LRRC4C: variants seen among roughly 807,000 people sequenced by gnomAD.
LRRC4C encodes leucine rich repeat containing 4C.
In LRRC4C, 5 loss-of-function variants were observed where a neutral mutation model predicts 33.6. The ratio of observed to expected loss-of-function variants is 0.15; its 90% CI spans 0.08 to 0.31. The LOEUF (loss-of-function observed/expected upper bound fraction) is 0.31. Ranked by LOEUF, LRRC4C falls within the 10% of genes least tolerant of loss-of-function variation. The pLI, the probability that LRRC4C is intolerant of heterozygous loss-of-function variation, is 1.00. For missense variants in LRRC4C, 560 were observed against 796.7 expected, an observed-to-expected ratio of 0.70 and a Z score of 3.58; for synonymous variants, 329 against 302.0, an observed-to-expected ratio of 1.09 and a Z score of -0.93.
At chr11:41,352,678 G>A (rs1952022967) in intron 1 of LRRC4C, among the ~76,000 whole-genome samples, 1 of 151,976 alleles carries the variant, frequency 6.6e-6, no homozygotes, top group African/African-American at 2.4e-5. Flanking sequence ...CATACTCTTG[G>A]AAGACAGCAC....
intron 1 of LRRC4C, among the ~76,000 whole-genome samples, chr11:40,934,307 G>GT (rs1957769674): frequency 6.6e-6 from 1 of 151,924 alleles, no homozygotes; most frequent in African/African-American, 2.4e-5. Flanking sequence ...ACAGACCTTT[G>GT]TTTGTCATAT....
chr11:40,638,698 A>G (rs1395042426), intron 3 of LRRC4C, among the ~76,000 whole-genome samples: 1 of 152,072 alleles, frequency 6.6e-6, no homozygotes, highest in Non-Finnish European at 1.5e-5. Context: ...ATAAAATAAT[A>G]CATGTGTCAA....
intron 1 of LRRC4C, among the ~76,000 whole-genome samples, chr11:41,416,239 A>G (rs1364814422): frequency 6.6e-6 from 1 of 151,996 alleles, no homozygotes; most frequent in Non-Finnish European, 1.5e-5. Context: ...ACCCCTACTC[A>G]CACTTCCCAC....
chr11:40,114,727 G>T lies in LRRC4C; in HGVS notation c.1566C>A (p.Val522=), dbSNP rs1046697036. The change falls in exon 7 of 7, where the codon GTC becomes GTA. Residue 522 remains valine, a synonymous_variant. Transcript: ENST00000528697. ...CAATGATGATTTTGGTAGTCTTCATGACCTCATCAATTCCTGGGATCCCAC... is the reference window on the plus strand; with the variant it reads ...CAATGATGATTTTGGTAGTCTTCATTACCTCATCAATTCCTGGGATCCCAC... ...INSGIPGIDE[V]MKTTKIIIGC... The T allele has an allele frequency of 1.2e-6, 2 of 1,614,130 alleles. No individual in the cohort carries two copies. Among genetic ancestry groups the T allele is most frequent in the Middle Eastern group, 1.7e-4 (1 of 6,060 alleles).
chr11:41,212,304 G>T (rs1484373357), intron 1 of LRRC4C, among the ~76,000 whole-genome samples: 1 of 152,172 alleles, frequency 6.6e-6, no homozygotes, highest in East Asian at 1.9e-4. Flanking sequence ...ATTAATCAAG[G>T]CTGCAAGACA....
At chr11:41,191,202 A>C (rs1445741203) in intron 1 of LRRC4C, among the ~76,000 whole-genome samples, 1 of 152,208 alleles carries the variant, frequency 6.6e-6, no homozygotes, top group Non-Finnish European at 1.5e-5. Context: ...TAGGGCAGAT[A>C]TAACTAAGCT....
At chr11:41,347,783 C>G (rs1258542784) in intron 1 of LRRC4C, among the ~76,000 whole-genome samples, 3 of 152,256 alleles carry the variant, frequency 2.0e-5, no homozygotes, top group East Asian at 1.9e-4. Flanking sequence ...ATTTCAGAGA[C>G]AGTCTCTCAG....
At chr11:40,447,385 C>G (rs1014549846) in intron 3 of LRRC4C, among the ~76,000 whole-genome samples, 1 of 152,080 alleles carries the variant, frequency 6.6e-6, no homozygotes, top group African/African-American at 2.4e-5. Context: ...ATCAAGGGGT[C>G]CAGAAAGGAT....
chr11:40,821,162 T>A (rs780678348), intron 2 of LRRC4C, among the ~76,000 whole-genome samples: 1 of 151,684 alleles, frequency 6.6e-6, no homozygotes, highest in African/African-American at 2.4e-5. Context: ...TTTATATAAA[T>A]GGAGATGTAT....
intron 4 of LRRC4C, among the ~76,000 whole-genome samples, chr11:40,284,786 T>G (rs1943719346): frequency 6.6e-6 from 1 of 152,136 alleles, no homozygotes; most frequent in Admixed American, 6.5e-5. Flanking sequence ...TAAGTGAGGA[T>G]TAAGGAGTTA....
chr11:40,902,288 G>A (rs1956243001), intron 2 of LRRC4C, among the ~76,000 whole-genome samples: 1 of 151,824 alleles, frequency 6.6e-6, no homozygotes, highest in African/African-American at 2.4e-5. Flanking sequence ...ATTGTTTTGG[G>A]GCACTGTGAA....
At chr11:40,678,567 C>T (rs1203601443) in intron 2 of LRRC4C, among the ~76,000 whole-genome samples, 1 of 152,068 alleles carries the variant, frequency 6.6e-6, no homozygotes, top group Non-Finnish European at 1.5e-5. Context: ...ATAGGAGGGA[C>T]CCAGTGGGAG....
chr11:40,671,772 T>C (rs1285224046), intron 2 of LRRC4C, among the ~76,000 whole-genome samples: 1 of 151,962 alleles, frequency 6.6e-6, no homozygotes, highest in Admixed American at 6.6e-5. Flanking sequence ...TCCTTGTCTC[T>C]TATCCATCCC....
intron 2 of LRRC4C, among the ~76,000 whole-genome samples, chr11:40,684,439 T>C (rs781736912): frequency 6.6e-6 from 1 of 151,922 alleles, no homozygotes; most frequent in Non-Finnish European, 1.5e-5. Flanking sequence ...ATCAATCACA[T>C]TGAGGTAAAT....
intron 5 of LRRC4C, among the ~76,000 whole-genome samples, chr11:40,202,611 C>T (rs1862848417): frequency 5.3e-5 from 8 of 152,112 alleles, no homozygotes; most frequent in Admixed American, 5.2e-4. Flanking sequence ...AGGGGAAGGG[C>T]CATTTCTAGC....
chr11:40,961,828 T>C (rs368673269), intron 1 of LRRC4C, among the ~76,000 whole-genome samples: 3 of 151,834 alleles, frequency 2.0e-5, no homozygotes, highest in African/African-American at 7.2e-5. Flanking sequence ...ATCCATCCAT[T>C]CATTTTAAAA....
At chr11:41,117,277 G>A (rs752631461) in intron 1 of LRRC4C, among the ~76,000 whole-genome samples, 1 of 152,086 alleles carries the variant, frequency 6.6e-6, no homozygotes, top group Non-Finnish European at 1.5e-5. Context: ...TAAATAAATT[G>A]CTCTGTTTGT....
Position 40,230,526 on chromosome 11 carries a change from G to C in LRRC4C, c.-96+10993C>G, listed in dbSNP as rs145108169. Among the ~76,000 whole-genome samples, 295 of 152,318 alleles carry C rather than the reference G, an allele frequency of 1.9e-3. 4 individuals carry two copies. Among genetic ancestry groups the C allele is most frequent in the African/African-American group, 6.6e-3 (273 of 41,570 alleles). ...TCAGAACTCCCAGACTTCAGTTGGG[G>C]TGATTTTGTGGGTGATGATACACCT... On this transcript the variant is annotated intron_variant, in intron 5 of 6. Coordinates refer to ENST00000528697, the MANE Select transcript of LRRC4C (RefSeq NM_001258419.2).
intron 1 of LRRC4C, among the ~76,000 whole-genome samples, chr11:41,005,949 C>T (rs1854721195): frequency 6.6e-6 from 1 of 151,840 alleles, no homozygotes; most frequent in African/African-American, 2.4e-5. Flanking sequence ...TGTGAAATTT[C>T]CTCCCTCCCT....
Sources: allele counts gnomAD v4.1 joint callset (sites outside exome capture counted in the v4.1 genomes callset), GRCh38; gene constraint gnomAD v4.1.1; transcripts MANE v1.5; gene names NCBI Gene and HGNC (gene_info 2026-07-23, HGNC 2026-07-21).